RARG: variants seen among roughly 807,000 people sequenced by gnomAD.
The protein encoded by RARG is RAR-gamma.
In RARG, 17 loss-of-function variants were observed where a neutral mutation model predicts 43.7. That is an observed-to-expected ratio of 0.39 (90% CI 0.27 to 0.58). The LOEUF (loss-of-function observed/expected upper bound fraction) is 0.58. Ranked by LOEUF, RARG falls within the 20% of genes least tolerant of loss-of-function variation. RARG has a pLI of 0.57. For missense variants in RARG, 346 were observed against 598.7 expected, an observed-to-expected ratio of 0.58 and a Z score of 4.40; for synonymous variants, 238 against 236.4, an observed-to-expected ratio of 1.01 and a Z score of -0.06.
At chr12:53,214,919 T>C in intron 5 of RARG, 1 of 414,908 alleles carries the variant, frequency 2.4e-6, no homozygotes, top group Non-Finnish European at 4.3e-6. Context: ...ACTTATAGCC[T>C]TGGCAGCACA....
chr12:53,226,224 T>C (rs938627255), intron 3 of RARG, among the ~76,000 whole-genome samples: 5 of 150,476 alleles, frequency 3.3e-5, no homozygotes, highest in Admixed American at 2.6e-4. Flanking sequence ...CGCTTCTGGG[T>C]TCAAGTGCTT....
At chr12:53,216,792 C>G (rs1942772819) in intron 3 of RARG, among the ~76,000 whole-genome samples, 1 of 151,650 alleles carries the variant, frequency 6.6e-6, no homozygotes, top group Admixed American at 6.6e-5. Context: ...GGAGGACATG[C>G]TCTGCTCTGT....
chr12:53,223,833 C>G (rs1943042176), intron 3 of RARG, among the ~76,000 whole-genome samples: 1 of 152,208 alleles, frequency 6.6e-6, no homozygotes. Flanking sequence ...TCCTCAGTTT[C>G]TCCATGTGTG....
intron 3 of RARG, among the ~76,000 whole-genome samples, chr12:53,218,609 C>T (rs1030851837): frequency 3.3e-5 from 5 of 152,186 alleles, no homozygotes; most frequent in African/African-American, 9.6e-5. Flanking sequence ...AAAGTAAAGT[C>T]AAGTCCGGTC....
intron 3 of RARG, among the ~76,000 whole-genome samples, chr12:53,220,909 A>T (rs961176819): frequency 2.6e-5 from 4 of 151,864 alleles, no homozygotes; most frequent in African/African-American, 9.7e-5. Flanking sequence ...CACCCCTCTC[A>T]TTCCCAGGCC....
In RARG at chr12:53,214,587, G is replaced by A. The variant is rs745345035; in HGVS notation, c.495C>T (p.Asn165=). 34 of 1,605,918 alleles carry A rather than the reference G, an allele frequency of 2.1e-5. No individual in the cohort carries two copies. Among genetic ancestry groups the A allele is most frequent in the Admixed American group, 3.3e-5 (2 of 59,844 alleles). ...CTTCCTTCACCTCTTTCTTCTTCTT[G>A]TTCCGGTCATTTCGCACAGCTTGTG... The part of the protein sequence containing the change: ...MSKEAVRNDR[N]KKKKEVKEEG... The change falls in exon 6 of 10, where the codon AAC becomes AAT. Residue 165 remains asparagine, a synonymous_variant. Coordinates refer to ENST00000425354, the MANE Select transcript of RARG (RefSeq NM_000966.6).
intron 5 of RARG, chr12:53,214,946 G>GA (rs1942720388): frequency 2.4e-6 from 1 of 408,574 alleles, no homozygotes; most frequent in African/African-American, 2.0e-5. Flanking sequence ...GCGAGGGGGG[G>GA]GTGGAGAGGA....
rs748798061 is a variant in RARG, at chr12:53,211,799, C to T, written c.1242G>A (p.Glu414=). ...CAAACATTTCAGGGTTCTCCAGCATCTCTCGGATTAAGGGAGGCATCGGGC... is the reference window on the plus strand; with the variant it reads ...CAAACATTTCAGGGTTCTCCAGCATTTCTCGGATTAAGGGAGGCATCGGGC... The part of the protein sequence containing the change: ...IPGPMPPLIR[E]MLENPEMFED... The change falls in exon 10 of 10, where the codon GAG becomes GAA. Residue 414 remains glutamate (E), a synonymous_variant. Transcript: ENST00000425354. The surrounding 1 kb of genome is among the most constrained non-coding windows in gnomAD (Gnocchi z 4.6). 11 of 1,556,898 alleles carry T rather than the reference C, an allele frequency of 7.1e-6. No individual in the cohort carries two copies. Among genetic ancestry groups the T allele is most frequent in the Admixed American group, 1.9e-5 (1 of 51,430 alleles).
intron 3 of RARG, among the ~76,000 whole-genome samples, chr12:53,216,252 A>G (rs186702217): frequency 2.4e-4 from 36 of 152,256 alleles, no homozygotes; most frequent in Admixed American, 2.0e-3. Context: ...CTGTGGGGCA[A>G]TAACTCTGGG....
chr12:53,224,243 C>T (rs1256686573), intron 3 of RARG, among the ~76,000 whole-genome samples: 1 of 152,030 alleles, frequency 6.6e-6, no homozygotes, highest in Non-Finnish European at 1.5e-5. Flanking sequence ...TCTCACCCCC[C>T]TTCAGACCCC....
At position 53,215,608 on chromosome 12, in the gene RARG, C is replaced by T. The variant is rs547442759; in HGVS notation, c.333+38G>A. ...CTGGTCTCTCATCTTACTAGGGTAA[C>T]TGGATCCCCCGTCTGCCCACTCCCA... is the stretch of plus-strand genomic sequence containing the variant. On this transcript the variant is annotated intron_variant, in intron 4 of 9. Transcript: ENST00000425354. The surrounding 1 kb of genome is among the most constrained non-coding windows in gnomAD (Gnocchi z 6.4). 1 of 1,597,422 alleles carries T rather than the reference C, an allele frequency of 6.3e-7. No homozygotes were observed. Among genetic ancestry groups the T allele is most frequent in the Non-Finnish European group, 8.5e-7 (1 of 1,170,024 alleles).
intron 3 of RARG, among the ~76,000 whole-genome samples, chr12:53,218,143 CA>C (rs923326482): frequency 2.6e-5 from 4 of 152,114 alleles, no homozygotes; most frequent in African/African-American, 9.7e-5. Flanking sequence ...TACCACCAGA[CA>C]AACACCCCAG....
chr12:53,230,119 G>T, intron 2 of RARG: 1 of 386,574 alleles, frequency 2.6e-6, no homozygotes, highest in Non-Finnish European at 3.5e-6. Context: ...TGAAGGCAGT[G>T]CAGAGTAAAA....
chr12:53,213,124 G>A lies in RARG; in HGVS notation c.1138C>T (p.Leu380=). The change falls in exon 9 of 10, where the codon CTA becomes TTA. Residue 380 remains leucine, a synonymous_variant. Coordinates refer to ENST00000425354, the MANE Select transcript of RARG (RefSeq NM_000966.6). This position sits in a 1 kb window ranked among gnomAD's most constrained non-coding sequence, Gnocchi z 4.7. ...PSQPYMFPRM[L]MKITDLRGIS... The stretch of plus-strand genomic sequence containing the variant: ...CCCCGGAGGTCGGTGATTTTCATTA[G>A]CATCCTTGGGAACATGTAGGGCTGG... 2 of 1,614,144 alleles carry A rather than the reference G, an allele frequency of 1.2e-6. No homozygotes were observed. The highest frequency in any genetic ancestry group is 1.3e-5 in the African/African-American group (1 of 75,042).
At chr12:53,219,028 T>C (rs545192989) in intron 3 of RARG, among the ~76,000 whole-genome samples, 2 of 152,296 alleles carry the variant, frequency 1.3e-5, no homozygotes, top group East Asian at 3.9e-4. Flanking sequence ...CCCCAGCTTT[T>C]TATTACTGCT....
Position 53,230,421 on chromosome 12 carries a change from C to T in RARG, c.-143+748G>A, listed in dbSNP as rs922012802. Among the ~76,000 whole-genome samples the T allele has an allele frequency of 8.5e-5, 13 of 152,166 alleles. No homozygotes were observed. In the South Asian group the frequency reaches 1.7e-3, roughly 19 times the overall value. Reference sequence around the variant, plus strand: ...GTCGGCCACTCTCCACCCGCTGCCCCCCTCCCCTCTGTATAAACACGACCA... The same window carrying T: ...GTCGGCCACTCTCCACCCGCTGCCCTCCTCCCCTCTGTATAAACACGACCA... On this transcript the variant is annotated intron_variant, in intron 2 of 9. Coordinates refer to ENST00000425354, the MANE Select transcript of RARG (RefSeq NM_000966.6).
In RARG at chr12:53,219,044, A is replaced by G. The variant is rs1942866161; in HGVS notation, c.185-3250T>C. 2.6e-5 allele frequency among the ~76,000 whole-genome samples: 4 copies of G among 152,226 alleles called. No individual in the cohort carries two copies. In the South Asian group the frequency reaches 8.3e-4, roughly 32 times the overall value. On this transcript the variant is annotated intron_variant, in intron 3 of 9. Transcript: ENST00000425354. ...CCCAGCTTTTTATTACTGCTCTGGA[A>G]AGGGGTTCCAGGGCCCCAGGCCTGG...
intron 3 of RARG, chr12:53,220,162 C>A: frequency 6.5e-7 from 1 of 1,549,604 alleles, no homozygotes; most frequent in Non-Finnish European, 8.7e-7. Context: ...GCCGATTCCC[C>A]CTCCTCCCCC....
chr12:53,217,217 A>G (rs1942799820), intron 3 of RARG, among the ~76,000 whole-genome samples: 1 of 151,976 alleles, frequency 6.6e-6, no homozygotes, highest in Non-Finnish European at 1.5e-5. Context: ...AGGAGAGAGG[A>G]GAGGGGGGAA....
Sources: allele counts gnomAD v4.1 joint callset (sites outside exome capture counted in the v4.1 genomes callset), GRCh38; gene constraint gnomAD v4.1.1; non-coding constraint Gnocchi (gnomAD v3.1); transcripts MANE v1.5; gene names NCBI Gene and HGNC (gene_info 2026-07-23, HGNC 2026-07-21).